Variants in MAFK observed in about 807,000 individuals in gnomAD.
MAFK encodes MAF bZIP transcription factor K, also known as transcription factor MafK.
MAFK carries 1 observed loss-of-function variant against 9.2 expected under a neutral mutation model. The observed-to-expected ratio is 0.11, with a 90% CI of 0.04 to 0.52. The LOEUF (loss-of-function observed/expected upper bound fraction) is 0.52. MAFK is among the 20% of genes least tolerant of loss of function. MAFK has a pLI of 0.94. For missense variants in MAFK, 207 were observed against 236.0 expected, an observed-to-expected ratio of 0.88 and a Z score of 0.81; for synonymous variants, 110 against 107.4, an observed-to-expected ratio of 1.02 and a Z score of -0.15.
chr7:1,533,907 C>T (rs953241897), intron 1 of MAFK, among the ~76,000 whole-genome samples: 8 of 151,970 alleles, frequency 5.3e-5, no homozygotes, highest in African/African-American at 1.5e-4. Context: ...AGCTGGAGGC[C>T]GAGGACAGGA....
Position 1,540,515 on chromosome 7 carries a change from CAGGAAG to C in MAFK, c.*143_*148del, listed in dbSNP as rs1253684083. On this transcript the variant is annotated 3_prime_UTR_variant, in exon 3 of 3. Coordinates refer to ENST00000343242, the MANE Select transcript of MAFK (RefSeq NM_002360.4). ...CCCCTCGGGCGCAGGCAGCTCACACCAGGAAGAGACTGTATTGCAGGGTGAAGAGTG... is the reference window on the plus strand; with the variant it reads ...CCCCTCGGGCGCAGGCAGCTCACACCAGACTGTATTGCAGGGTGAAGAGTG... The C allele has an allele frequency of 3.6e-6, 3 of 844,118 alleles. No individual in the cohort carries two copies. Among genetic ancestry groups the C allele is most frequent in the Non-Finnish European group, 5.3e-6 (3 of 560,990 alleles). The allele number at this position is 844,118 out of a possible 1,614,324, so 52.3% of individuals were successfully genotyped here. A position where few individuals can be genotyped will look rare whatever the true frequency, so the allele number is the denominator to read the frequency against.
rs926214197 is a variant in MAFK at position 1,540,666 on chromosome 7, A to G, written c.*291A>G. On this transcript the variant is annotated 3_prime_UTR_variant, in exon 3 of 3. Coordinates refer to ENST00000343242, the MANE Select transcript of MAFK (RefSeq NM_002360.4). ...ATCTTGCACCCGTGGGAGTCGGGAC[A>G]TATAATGGAAAGGCCCTCGGGAAGT... The G allele has an allele frequency of 1.4e-5, 6 of 427,214 alleles. No individual in the cohort carries two copies. The highest frequency in any genetic ancestry group is 8.4e-5 in the African/African-American group (4 of 47,634). 26.5% of individuals were successfully genotyped at this position (427,214 alleles called of 1,614,324 possible).
At chr7:1,538,748 C>T (rs1706860757) in intron 1 of MAFK, 1 of 214,372 alleles carries the variant, frequency 4.7e-6, no homozygotes, top group South Asian at 5.9e-5. Context: ...TCTTCTCTGA[C>T]CTCAGGGAGA....
Position 1,534,038 on chromosome 7 carries a change from C to T in MAFK, c.-45+3140C>T, listed in dbSNP as rs1189772135. The T allele has an allele frequency of 5.6e-6, 2 of 357,048 alleles. No homozygotes were observed. The highest frequency in any genetic ancestry group is 5.7e-6 in the Non-Finnish European group (1 of 176,842). The allele number at this position is 357,048 out of a possible 1,614,324, so 22.1% of individuals were successfully genotyped here. A position where few individuals can be genotyped will look rare whatever the true frequency, so the allele number is the denominator to read the frequency against. On this transcript the variant is annotated intron_variant, in intron 1 of 2. Coordinates refer to ENST00000343242, the MANE Select transcript of MAFK (RefSeq NM_002360.4). The surrounding 1 kb of genome is among the most constrained non-coding windows in gnomAD (Gnocchi z 4.3). ...ATGTAGCGGAATGACACAGCTTCCT[C>T]AGACTGCAAATGCAAGGTGACCAGA...
chr7:1,533,091 C>G (rs1783940581), intron 1 of MAFK, among the ~76,000 whole-genome samples: 1 of 152,216 alleles, frequency 6.6e-6, no homozygotes, highest in Non-Finnish European at 1.5e-5. Context: ...AGAGCAGGTA[C>G]AAGCGAACTT....
chr7:1,537,401 C>T (rs1183976290), intron 1 of MAFK: 7 of 985,386 alleles, frequency 7.1e-6, no homozygotes, highest in African/African-American at 1.7e-5. Flanking sequence ...TGTGCACTGA[C>T]GTGCTCGCAG....
At position 1,540,227 on chromosome 7, in the gene MAFK, G is replaced by A. The variant is rs1421880212; in HGVS notation, c.323G>A (p.Arg108His). 19 of 1,603,214 alleles carry A rather than the reference G, an allele frequency of 1.2e-5. No individual in the cohort carries two copies. The highest frequency in any genetic ancestry group is 1.5e-5 in the Non-Finnish European group (18 of 1,175,906). The change falls in exon 3 of 3, where the codon CGC becomes CAC. Residue 108 changes from arginine to histidine, a missense_variant. Arg to His is a conservative substitution (Grantham distance 29, BLOSUM62 0). Transcript: ENST00000343242. Reference protein sequence around the residue: ...SSMRLELDALRSKYEALQTFA... With the variant: ...SSMRLELDALHSKYEALQTFA... ...ATGCGGCTGGAGCTGGACGCCCTGC[G>A]CTCCAAGTACGAGGCGCTGCAGACC... is the stretch of plus-strand genomic sequence containing the variant.
rs1358271319 is a variant in MAFK at position 1,532,235 on chromosome 7, C to T, written c.-45+1337C>T. 1.3e-5 allele frequency among the ~76,000 whole-genome samples: 2 copies of T among 152,212 alleles called. No individual in the cohort carries two copies. Among genetic ancestry groups the T allele is most frequent in the African/African-American group, 4.8e-5 (2 of 41,448 alleles). On this transcript the variant is annotated intron_variant, in intron 1 of 2. Transcript: ENST00000343242. The surrounding 1 kb of genome is among the most constrained non-coding windows in gnomAD (Gnocchi z 4.5). ...GAGTGGGGTGCCCTATGCAGCTTCTCCAAACCCAATGTCTTCAGGGACATG... is the reference window on the plus strand; with the variant it reads ...GAGTGGGGTGCCCTATGCAGCTTCTTCAAACCCAATGTCTTCAGGGACATG...
In MAFK at chr7:1,542,048, G is replaced by C. The variant is rs1405766380; in HGVS notation, c.*1673G>C. ...AGAGGACAGACAGCCCCGGGGCTGC[G>C]ACTTGGTTCTGTGTCTACTGTTAGA... On this transcript the variant is annotated 3_prime_UTR_variant, in exon 3 of 3. Coordinates refer to ENST00000343242, the MANE Select transcript of MAFK (RefSeq NM_002360.4). 3 of 152,226 alleles carry C rather than the reference G, an allele frequency of 2.0e-5. No homozygotes were observed. The highest frequency in any genetic ancestry group is 7.2e-5 in the African/African-American group (3 of 41,444). The allele number at this position is 152,226 out of a possible 1,614,324, so 9.4% of individuals were successfully genotyped here.
chr7:1,533,688 G>T (rs1275365812), intron 1 of MAFK, among the ~76,000 whole-genome samples: 4 of 152,038 alleles, frequency 2.6e-5, no homozygotes, highest in African/African-American at 9.7e-5. Context: ...AGGTGCTGTG[G>T]GTTCAGGCGG....
rs1021392355 is a variant in MAFK at position 1,532,075 on chromosome 7, G to A, written c.-45+1177G>A. Reference sequence around the variant, plus strand: ...CCCCACCGCCCCCCATCGTGGTCTAGGGGATATCTGTGTGGTTCGGCTCTG... The same window carrying A: ...CCCCACCGCCCCCCATCGTGGTCTAAGGGATATCTGTGTGGTTCGGCTCTG... On this transcript the variant is annotated intron_variant, in intron 1 of 2. Coordinates refer to ENST00000343242, the MANE Select transcript of MAFK (RefSeq NM_002360.4). This position sits in a 1 kb window ranked among gnomAD's most constrained non-coding sequence, Gnocchi z 4.5. Among the ~76,000 whole-genome samples, 2 of 152,224 alleles carry A rather than the reference G, an allele frequency of 1.3e-5. No homozygotes were observed. The highest frequency in any genetic ancestry group is 6.5e-5 in the Admixed American group (1 of 15,288).
At chr7:1,538,311 C>T (rs1017899490) in intron 1 of MAFK, 5 of 985,412 alleles carry the variant, frequency 5.1e-6, no homozygotes, top group East Asian at 1.1e-4. Flanking sequence ...GGCAGGGCGG[C>T]GGCTCCCCCA....
chr7:1,537,458 G>C, intron 1 of MAFK: 4 of 985,622 alleles, frequency 4.1e-6, no homozygotes, highest in Non-Finnish European at 4.8e-6. Flanking sequence ...ACATGGAAAA[G>C]TTTCTCATGG....
chr7:1,531,841 C>T (rs1454762930), intron 1 of MAFK, among the ~76,000 whole-genome samples: 2 of 152,206 alleles, frequency 1.3e-5, no homozygotes, highest in African/African-American at 4.8e-5. Flanking sequence ...GCGCTCACAC[C>T]GTGTGTGTCC....
chr7:1,538,265 C>T lies in MAFK; in HGVS notation c.-44-884C>T, dbSNP rs534018485. The T allele has an allele frequency of 6.7e-5, 66 of 985,190 alleles. No individual in the cohort carries two copies. In the South Asian group the frequency reaches 2.1e-3, roughly 31 times the overall value. The allele number at this position is 985,190 out of a possible 1,614,324, so 61.0% of individuals were successfully genotyped here. A position where few individuals can be genotyped will look rare whatever the true frequency, so the allele number is the denominator to read the frequency against. On this transcript the variant is annotated intron_variant, in intron 1 of 2. Coordinates refer to ENST00000343242, the MANE Select transcript of MAFK (RefSeq NM_002360.4). ...GCAGACGTGAGGACGGCGGGGGCGG[C>T]GGCGGGGACGACTCCCGCCAGACGG...
Position 1,540,707 on chromosome 7 carries a change from G to A in MAFK, c.*332G>A, listed in dbSNP as rs1018302795. 6.5e-6 allele frequency: 2 copies of A among 305,960 alleles called. No homozygotes were observed. The highest frequency in any genetic ancestry group is 2.2e-5 in the African/African-American group (1 of 44,620). The allele number at this position is 305,960 out of a possible 1,614,324, so 19.0% of individuals were successfully genotyped here. On this transcript the variant is annotated 3_prime_UTR_variant, in exon 3 of 3. Transcript: ENST00000343242. ...CTCGGGAAGTTCCGCGTCCTCTGTG[G>A]GGGCTGCCGGAAGACACGGCCCCAG...
rs1248748785 is a variant in MAFK, at chr7:1,535,683, C to G, written c.-44-3466C>G. Reference sequence around the variant, plus strand: ...AAATTAAAAGGGAAAACATGATCCTCCAGAAGCTGAGGTGGCTGCCTGGGG... The same window carrying G: ...AAATTAAAAGGGAAAACATGATCCTGCAGAAGCTGAGGTGGCTGCCTGGGG... On this transcript the variant is annotated intron_variant, in intron 1 of 2. Coordinates refer to ENST00000343242, the MANE Select transcript of MAFK (RefSeq NM_002360.4). Among the ~76,000 whole-genome samples, 3 of 152,194 alleles carry G rather than the reference C, an allele frequency of 2.0e-5. No homozygotes were observed. In the East Asian group the frequency reaches 5.8e-4, roughly 29 times the overall value.
rs1784151501 is a variant in MAFK, at chr7:1,540,461, G to C, written c.*86G>C. Reference sequence around the variant, plus strand: ...CCCTCGTACCTGTCACTGGGATGCAGACTCTCGACATCCGAGTCCAAGCGC... The same window carrying C: ...CCCTCGTACCTGTCACTGGGATGCACACTCTCGACATCCGAGTCCAAGCGC... On this transcript the variant is annotated 3_prime_UTR_variant, in exon 3 of 3. Coordinates refer to ENST00000343242, the MANE Select transcript of MAFK (RefSeq NM_002360.4). 1 of 1,279,340 alleles carries C rather than the reference G, an allele frequency of 7.8e-7. No individual in the cohort carries two copies. Among genetic ancestry groups the C allele is most frequent in the Non-Finnish European group, 1.1e-6 (1 of 947,776 alleles). The allele number at this position is 1,279,340 out of a possible 1,614,324, so 79.2% of individuals were successfully genotyped here.
rs1423225969 is a variant in MAFK, at chr7:1,540,312, C to T, written c.408C>T (p.Val136=). ...VAPSKVATTS[V]ITIVKSTELS... ...CCTCCAAGGTGGCCACCACCAGCGT[C>T]ATCACCATCGTCAAGTCCACCGAGC... is the stretch of plus-strand genomic sequence containing the variant. The change falls in exon 3 of 3, where the codon GTC becomes GTT. Residue 136 remains valine (V), a synonymous_variant. Coordinates refer to ENST00000343242, the MANE Select transcript of MAFK (RefSeq NM_002360.4). The T allele has an allele frequency of 1.2e-6, 2 of 1,610,032 alleles. No individual in the cohort carries two copies. The highest frequency in any genetic ancestry group is 2.7e-5 in the African/African-American group (2 of 74,796).
Sources: gnomAD v4.1 joint callset for allele counts (sites outside exome capture counted in the v4.1 genomes callset) on GRCh38, gnomAD v4.1.1 for gene constraint, Gnocchi (gnomAD v3.1) non-coding constraint, MANE v1.5 for transcripts, NCBI Gene and HGNC (gene_info 2026-07-23, HGNC 2026-07-21) for gene names.